Variants in TLE4 observed in about 807,000 individuals in gnomAD.
The protein encoded by TLE4 is TLE family member 4, transcriptional corepressor, also known as transducin-like enhancer protein 4.
A neutral mutation model predicts 92.8 loss-of-function variants in TLE4; 8 were observed. That is an observed-to-expected ratio of 0.09 (90% CI 0.05 to 0.16). The LOEUF is 0.16. Ranked by LOEUF, TLE4 falls within the 10% of genes least tolerant of loss-of-function variation. The pLI, the probability that TLE4 is intolerant of heterozygous loss-of-function variation, is 1.00. For missense variants in TLE4, 675 were observed against 997.6 expected, an observed-to-expected ratio of 0.68 and a Z score of 4.36; for synonymous variants, 371 against 374.1, an observed-to-expected ratio of 0.99 and a Z score of 0.10.
intron 11 of TLE4, chr9:79,707,212 G>GT (rs774589927): frequency 2.0e-5 from 32 of 1,612,328 alleles, no homozygotes; most frequent in Non-Finnish European, 2.7e-5. Context: ...GTCGCCTGTG[G>GT]TTTATGGTAA....
chr9:79,608,717 A>G (rs143452709), intron 4 of TLE4, among the ~76,000 whole-genome samples: 199 of 152,194 alleles, frequency 1.3e-3, no homozygotes, highest in African/African-American at 4.4e-3. Flanking sequence ...TTTTATTTCA[A>G]CAATACATAT....
Position 79,572,587 on chromosome 9 carries a change from G to A in TLE4, c.-204G>A. The A allele has an allele frequency of 4.6e-6, 1 of 218,270 alleles. No individual in the cohort carries two copies. The highest frequency in any genetic ancestry group is 9.0e-6 in the Non-Finnish European group (1 of 110,938). 13.5% of individuals were successfully genotyped at this position (218,270 alleles called of 1,614,324 possible). A position where few individuals can be genotyped will look rare whatever the true frequency, so the allele number is the denominator to read the frequency against. ...GGCCAGTGACGCCCGCGGGGAATGCGGAGCGGCCCGGCAGCCGGCACCCAG... is the reference window on the plus strand; with the variant it reads ...GGCCAGTGACGCCCGCGGGGAATGCAGAGCGGCCCGGCAGCCGGCACCCAG... On this transcript the variant is annotated 5_prime_UTR_variant, in exon 1 of 20. Coordinates refer to ENST00000376552, the MANE Select transcript of TLE4 (RefSeq NM_007005.6).
chr9:79,595,691 T>C (rs1338247492), intron 4 of TLE4, among the ~76,000 whole-genome samples: 1 of 152,096 alleles, frequency 6.6e-6, no homozygotes, highest in Non-Finnish European at 1.5e-5. Context: ...CATAGTTAAG[T>C]CCAAGGCAGT....
chr9:79,583,501 G>A (rs937872081), intron 4 of TLE4, among the ~76,000 whole-genome samples: 1 of 152,164 alleles, frequency 6.6e-6, no homozygotes, highest in East Asian at 1.9e-4. Context: ...CCCCAACCTG[G>A]GCTGGCTGTG....
intron 4 of TLE4, among the ~76,000 whole-genome samples, chr9:79,600,008 A>C (rs1281189422): frequency 1.3e-5 from 2 of 152,340 alleles, no homozygotes; most frequent in East Asian, 3.9e-4. Flanking sequence ...CTCTGTCTTC[A>C]TTCAGCATCT....
intron 14 of TLE4, among the ~76,000 whole-genome samples, chr9:79,714,718 C>T (rs1422006253): frequency 6.6e-6 from 1 of 152,208 alleles, no homozygotes; most frequent in East Asian, 1.9e-4. Flanking sequence ...TTGTTAGTCA[C>T]TTGTGGGCAA....
chr9:79,658,537 C>T (rs2060083621), intron 8 of TLE4, among the ~76,000 whole-genome samples: 2 of 152,050 alleles, frequency 1.3e-5, no homozygotes, highest in Admixed American at 1.3e-4. Context: ...ATTATGTTGA[C>T]AATAAAGGTT....
chr9:79,583,657 T>G (rs75966537), intron 4 of TLE4, among the ~76,000 whole-genome samples: 2,730 of 152,246 alleles, frequency 0.018, 85 homozygotes, highest in African/African-American at 0.06. Flanking sequence ...TATTGTAATT[T>G]GGGTTCTGTC....
intron 14 of TLE4, among the ~76,000 whole-genome samples, chr9:79,711,408 A>C (rs554561667): frequency 3.5e-4 from 53 of 152,368 alleles, no homozygotes; most frequent in Non-Finnish European, 6.8e-4. Context: ...AGCAATGCTA[A>C]ATAACAAGGT....
intron 8 of TLE4, among the ~76,000 whole-genome samples, chr9:79,694,594 A>G (rs191004580): frequency 2.0e-5 from 3 of 152,344 alleles, no homozygotes; most frequent in East Asian, 1.9e-4. Flanking sequence ...ATCAGTCACA[A>G]CTGATACTAA....
intron 8 of TLE4, among the ~76,000 whole-genome samples, chr9:79,678,515 A>C (rs998388590): frequency 6.6e-6 from 1 of 152,118 alleles, no homozygotes; most frequent in Non-Finnish European, 1.5e-5. Context: ...ACTGTATCTG[A>C]GAAAAAACAA....
rs539614511 is a variant in TLE4, at chr9:79,658,922, A to G, written c.609+4847A>G. On this transcript the variant is annotated intron_variant, in intron 8 of 19. Transcript: ENST00000376552. ...TCTGTTTTCCCCTCAGTAATCAGCA[A>G]TCTGAGAAGAGAAGTTGTCTAATTA... Among the ~76,000 whole-genome samples the G allele has an allele frequency of 5.9e-5, 9 of 152,332 alleles. No homozygotes were observed. The South Asian group carries it at 1.4e-3, about 25-fold the overall frequency.
intron 4 of TLE4, among the ~76,000 whole-genome samples, chr9:79,592,259 CT>C (rs2042867292): frequency 2.3e-5 from 3 of 129,068 alleles, no homozygotes; most frequent in African/African-American, 5.8e-5. Context: ...CTTCTTTCTT[CT>C]TTCTTCTTCT....
chr9:79,611,993 T>A (rs933352453), intron 4 of TLE4, among the ~76,000 whole-genome samples: 2 of 151,220 alleles, frequency 1.3e-5, no homozygotes, highest in Admixed American at 6.6e-5. Context: ...ACATACAGAT[T>A]GCTTCCTGCT....
chr9:79,572,917 T>C (rs2036223550), intron 1 of TLE4, 82 bp downstream of exon 1: 1 of 1,477,622 alleles, frequency 6.8e-7, no homozygotes, highest in African/African-American at 1.5e-5. Context: ...GTTGTGTCTT[T>C]TGGCCGGAGG....
intron 8 of TLE4, among the ~76,000 whole-genome samples, chr9:79,694,788 A>T (rs2067866689): frequency 6.6e-6 from 1 of 150,990 alleles, no homozygotes; most frequent in South Asian, 2.1e-4. Flanking sequence ...AAAAAAAAAA[A>T]GCAGGGGGGA....
chr9:79,690,992 C>A (rs914750859), intron 8 of TLE4, among the ~76,000 whole-genome samples: 5 of 151,998 alleles, frequency 3.3e-5, no homozygotes, highest in Non-Finnish European at 5.9e-5. Context: ...ATGAAGATGG[C>A]ATCATTATAT....
rs561048832 is a variant in TLE4 at position 79,682,511 on chromosome 9, C to T, written c.610-22272C>T. 2.6e-5 allele frequency among the ~76,000 whole-genome samples: 4 copies of T among 152,236 alleles called. No individual in the cohort carries two copies. The South Asian group carries it at 8.3e-4, about 32-fold the overall frequency. On this transcript the variant is annotated intron_variant, in intron 8 of 19. Transcript: ENST00000376552. The stretch of plus-strand genomic sequence containing the variant: ...CGGTCAAAAACCTTGTCCTTTTCAG[C>T]TTTGAGCCTTCCTGCATTCCTGTGA...
intron 8 of TLE4, among the ~76,000 whole-genome samples, chr9:79,688,259 A>C (rs184435515): frequency 1.5e-4 from 23 of 152,258 alleles, no homozygotes; most frequent in Admixed American, 1.5e-3. Flanking sequence ...AAAACCCACT[A>C]TCTAATGCCT....
Sources: gnomAD v4.1 joint callset for allele counts (sites outside exome capture counted in the v4.1 genomes callset) on GRCh38, gnomAD v4.1.1 for gene constraint, MANE v1.5 for transcripts, NCBI Gene and HGNC (gene_info 2026-07-23, HGNC 2026-07-21) for gene names.